The following NEDD4L variants were observed in gnomAD, a reference collection of about 807,000 sequenced individuals.
NEDD4L encodes the protein E3 ubiquitin-protein ligase NEDD4-like.
A neutral mutation model predicts 148.9 loss-of-function variants in NEDD4L; 54 were observed. That is an observed-to-expected ratio of 0.36 (90% confidence interval 0.29 to 0.45). NEDD4L has a LOEUF of 0.45. Among genes scored for constraint, NEDD4L ranks in the 20% least tolerant of loss-of-function variants. NEDD4L has a pLI of 1.00. For synonymous variants in NEDD4L, 433 were observed against 440.7 expected, an observed-to-expected ratio of 0.98 and a Z score of 0.22; for missense variants, 856 against 1,233.8, an observed-to-expected ratio of 0.69 and a Z score of 4.59.
intron 1 of NEDD4L, among the ~76,000 whole-genome samples, chr18:58,103,831 G>T (rs1440534531): frequency 1.3e-5 from 2 of 152,190 alleles, no homozygotes; most frequent in African/African-American, 4.8e-5. Flanking sequence ...GAGAATGCAG[G>T]TTTACCACAT....
intron 5 of NEDD4L, among the ~76,000 whole-genome samples, chr18:58,259,560 T>A (rs2049070086): frequency 6.6e-6 from 1 of 152,168 alleles, no homozygotes; most frequent in Non-Finnish European, 1.5e-5. Context: ...ACTGTGAAAC[T>A]CTGCATTTTA....
At chr18:58,311,737 T>C (rs2057722724) in intron 5 of NEDD4L, among the ~76,000 whole-genome samples, 1 of 152,220 alleles carries the variant, frequency 6.6e-6, no homozygotes, top group African/African-American at 2.4e-5. Context: ...GTTGTTTGAA[T>C]GGATGTGTTC....
At position 58,288,923 on chromosome 18, in the gene NEDD4L, A is replaced by T. The variant is rs536923002; in HGVS notation, c.298-27059A>T. The stretch of plus-strand genomic sequence containing the variant: ...GATTCAGCTTCATTTCTTACACCAC[A>T]CACCCAGAGGCATAAATGGAAGTAC... On this transcript the variant is annotated intron_variant, in intron 5 of 30. Transcript: ENST00000400345. Among the ~76,000 whole-genome samples the T allele has an allele frequency of 2.0e-5, 3 of 152,318 alleles. No homozygotes were observed. In the East Asian group the frequency reaches 5.8e-4, roughly 29 times the overall value.
At chr18:58,093,173 G>A (rs2084183433) in intron 1 of NEDD4L, among the ~76,000 whole-genome samples, 1 of 152,168 alleles carries the variant, frequency 6.6e-6, no homozygotes, top group Non-Finnish European at 1.5e-5. Flanking sequence ...TCAATGAAAT[G>A]GTGATGGAAA....
intron 5 of NEDD4L, among the ~76,000 whole-genome samples, chr18:58,277,519 T>G (rs988087628): frequency 6.6e-6 from 1 of 152,092 alleles, no homozygotes; most frequent in Non-Finnish European, 1.5e-5. Context: ...CCTAGGCTCC[T>G]CGGCAGCTAG....
At chr18:58,380,207 C>A (rs983738188) in intron 24 of NEDD4L, among the ~76,000 whole-genome samples, 1 of 151,026 alleles carries the variant, frequency 6.6e-6, no homozygotes, top group African/African-American at 2.4e-5. Flanking sequence ...TTTTTATTTA[C>A]ATTTTCCAGA....
intron 13 of NEDD4L, among the ~76,000 whole-genome samples, chr18:58,336,274 A>G (rs1208208135): frequency 1.3e-5 from 2 of 152,136 alleles, no homozygotes; most frequent in East Asian, 3.9e-4. Context: ...TCGCACTGCA[A>G]TAGCTGTTTA....
intron 5 of NEDD4L, among the ~76,000 whole-genome samples, chr18:58,277,419 G>T (rs1003863921): frequency 6.6e-6 from 1 of 152,122 alleles, no homozygotes; most frequent in Non-Finnish European, 1.5e-5. Flanking sequence ...TGCTTGGCAG[G>T]TTGTTTAGAG....
intron 1 of NEDD4L, among the ~76,000 whole-genome samples, chr18:58,059,626 C>G (rs1032091330): frequency 2.0e-5 from 3 of 152,180 alleles, no homozygotes; most frequent in African/African-American, 7.2e-5. Context: ...TCTGCCAACC[C>G]ACCTCATCCT....
intron 5 of NEDD4L, among the ~76,000 whole-genome samples, chr18:58,268,484 T>C (rs1389741710): frequency 6.6e-6 from 1 of 152,078 alleles, no homozygotes; most frequent in East Asian, 1.9e-4. Context: ...ATTCACAGTG[T>C]ATCAAAGAGG....
chr18:58,180,385 A>T (rs117007535), intron 2 of NEDD4L, among the ~76,000 whole-genome samples: 2,944 of 152,200 alleles, frequency 0.019, 67 homozygotes, highest in African/African-American at 0.049. Context: ...ACATGGCGCT[A>T]AGATTCTCCC....
chr18:58,200,925 C>T (rs557590576), intron 2 of NEDD4L, among the ~76,000 whole-genome samples: 1 of 152,242 alleles, frequency 6.6e-6, no homozygotes, highest in African/African-American at 2.4e-5. Flanking sequence ...TTCTTACCTA[C>T]TTGTATCTTA....
At chr18:58,259,074 G>T (rs964599554) in intron 5 of NEDD4L, among the ~76,000 whole-genome samples, 2 of 152,156 alleles carry the variant, frequency 1.3e-5, no homozygotes, top group African/African-American at 2.4e-5. Context: ...TGGGAATACC[G>T]CTCGGGATTC....
intron 2 of NEDD4L, among the ~76,000 whole-genome samples, chr18:58,237,960 C>G (rs1429177882): frequency 1.3e-5 from 2 of 152,178 alleles, no homozygotes; most frequent in Non-Finnish European, 2.9e-5. Flanking sequence ...AGGTAAACCA[C>G]TAGTTGCTCC....
rs2085479760 is a variant in NEDD4L at position 58,112,442 on chromosome 18, C to T, written c.49-53346C>T. ...TACTTCAGTTTGGTCGGTAAACTAT[C>T]AATTGTATTTTCAGTATGTATATAT... On this transcript the variant is annotated intron_variant, in intron 1 of 30. Coordinates refer to ENST00000400345, the MANE Select transcript of NEDD4L (RefSeq NM_001144967.3). Among the ~76,000 whole-genome samples, 4 of 150,638 alleles carry T rather than the reference C, an allele frequency of 2.7e-5. No homozygotes were observed. In the South Asian group the frequency reaches 8.4e-4, roughly 32 times the overall value.
chr18:58,294,333 A>G (rs1003163772), intron 5 of NEDD4L, among the ~76,000 whole-genome samples: 3 of 152,098 alleles, frequency 2.0e-5, no homozygotes, highest in Admixed American at 6.5e-5. Flanking sequence ...TTTGGTATCC[A>G]TGTGTTTTTA....
chr18:58,322,303 AAC>A (rs1279211839), intron 6 of NEDD4L, 120 bp from the exon 7 acceptor site: 2 of 730,562 alleles, frequency 2.7e-6, no homozygotes, highest in Non-Finnish European at 4.8e-6. Flanking sequence ...CAAGTGAAGA[AAC>A]ACATTCAGCG....
intron 1 of NEDD4L, among the ~76,000 whole-genome samples, chr18:58,079,243 A>G (rs1212705209): frequency 6.6e-6 from 1 of 152,156 alleles, no homozygotes; most frequent in Non-Finnish European, 1.5e-5. Flanking sequence ...TTTCATATCT[A>G]AAATGAAAGA....
chr18:58,093,724 G>A (rs1032794995), intron 1 of NEDD4L, among the ~76,000 whole-genome samples: 3 of 152,158 alleles, frequency 2.0e-5, no homozygotes, highest in Non-Finnish European at 2.9e-5. Flanking sequence ...CACAATTTAC[G>A]CCAGAGGAGG....
Sources: allele counts gnomAD v4.1 joint callset (sites outside exome capture counted in the v4.1 genomes callset), GRCh38; gene constraint gnomAD v4.1.1; transcripts MANE v1.5; gene names NCBI Gene and HGNC (gene_info 2026-07-23, HGNC 2026-07-21).